STARD13: variants seen among roughly 807,000 people sequenced by gnomAD.
The protein encoded by STARD13 is StAR related lipid transfer domain containing 13.
STARD13 carries 62 observed loss-of-function variants against 106.4 expected under a neutral mutation model. The observed-to-expected ratio is 0.58, with a 90% confidence interval of 0.48 to 0.72. The LOEUF (loss-of-function observed/expected upper bound fraction) is 0.72. STARD13 is among the 30% of genes least tolerant of loss of function. The pLI is 0.00. For missense variants in STARD13, 1,387 were observed against 1,424.0 expected, an observed-to-expected ratio of 0.97 and a Z score of 0.42; for synonymous variants, 565 against 553.0, an observed-to-expected ratio of 1.02 and a Z score of -0.31.
chr13:33,230,116 T>A (rs1221088283), intron 1 of STARD13, among the ~76,000 whole-genome samples: 1 of 152,208 alleles, frequency 6.6e-6, no homozygotes, highest in East Asian at 1.9e-4. Flanking sequence ...TCAGTCCACA[T>A]GGGGAAGAAG....
chr13:33,303,522 A>G (rs149831922), intron 1 of STARD13, among the ~76,000 whole-genome samples: 1 of 152,344 alleles, frequency 6.6e-6, no homozygotes, highest in Non-Finnish European at 1.5e-5. Context: ...GACATATGGT[A>G]GGGCTCAGTA....
intron 1 of STARD13, among the ~76,000 whole-genome samples, chr13:33,321,142 T>G (rs965614554): frequency 6.6e-6 from 1 of 152,190 alleles, no homozygotes; most frequent in Non-Finnish European, 1.5e-5. Context: ...GTCGCCCCCT[T>G]TGTTCTTTTG....
the STARD13 span, among the ~76,000 whole-genome samples, chr13:33,496,874 T>C: frequency 6.6e-6 from 1 of 152,136 alleles, no homozygotes; most frequent in Non-Finnish European, 1.5e-5. Flanking sequence ...TTATATAGTT[T>C]CGTTTCTGGA....
intron 3 of STARD13, among the ~76,000 whole-genome samples, chr13:33,161,037 T>G (rs1237141507): frequency 6.6e-6 from 1 of 152,160 alleles, no homozygotes; most frequent in African/African-American, 2.4e-5. Flanking sequence ...GGCTAATGGA[T>G]AAACAACCGT....
the STARD13 span, among the ~76,000 whole-genome samples, chr13:33,520,701 A>G: frequency 1.3e-4 from 20 of 152,108 alleles, no homozygotes; most frequent in African/African-American, 4.6e-4. Context: ...TCTTCCAAAA[A>G]TCCTTGGAAC....
chr13:33,547,052 A>G, the STARD13 span, among the ~76,000 whole-genome samples: 1 of 152,218 alleles, frequency 6.6e-6, no homozygotes. Context: ...GTGAAAATAT[A>G]ATAGTACATT....
chr13:33,432,893 AT>A, the STARD13 span, among the ~76,000 whole-genome samples: 5 of 152,218 alleles, frequency 3.3e-5, no homozygotes, highest in African/African-American at 1.2e-4. Context: ...AAAAAATGAA[AT>A]AACGCTTTAT....
At chr13:33,243,689 CA>C (rs1245543066) in intron 1 of STARD13, among the ~76,000 whole-genome samples, 1 of 151,990 alleles carries the variant, frequency 6.6e-6, no homozygotes, top group Non-Finnish European at 1.5e-5. Context: ...GATGGGTGGG[CA>C]AAAACAGGGT....
the STARD13 span, among the ~76,000 whole-genome samples, chr13:33,612,468 CAAGATGGGA>C: frequency 5.9e-5 from 9 of 152,152 alleles, no homozygotes; most frequent in Non-Finnish European, 5.9e-5. Flanking sequence ...GATCCACACT[CAAGATGGGA>C]AAGAAAGCCA....
chr13:33,130,468 C>T lies in STARD13; in HGVS notation c.388-179G>A, dbSNP rs1206575977. On this transcript the variant is annotated intron_variant, in intron 4 of 13. Coordinates refer to ENST00000336934, the MANE Select transcript of STARD13 (RefSeq NM_178006.4). This position sits in a 1 kb window ranked among gnomAD's most constrained non-coding sequence, Gnocchi z 4.1. Reference sequence around the variant, plus strand: ...CTTCTACCACTTGCACTGTCTTGTACATACCCTTCCTCCCAGTGGCCAGAG... The same window carrying T: ...CTTCTACCACTTGCACTGTCTTGTATATACCCTTCCTCCCAGTGGCCAGAG... 6.6e-6 allele frequency among the ~76,000 whole-genome samples: 1 copy of T among 152,202 alleles called. No individual in the cohort carries two copies. Among genetic ancestry groups the T allele is most frequent in the African/African-American group, 2.4e-5 (1 of 41,448 alleles).
chr13:33,270,740 A>G (rs1891119391), intron 1 of STARD13, among the ~76,000 whole-genome samples: 1 of 152,134 alleles, frequency 6.6e-6, no homozygotes, highest in South Asian at 2.1e-4. Context: ...TTTGTTTTCA[A>G]GGTTCATTTT....
chr13:33,461,214 T>C, the STARD13 span, among the ~76,000 whole-genome samples: 1 of 152,190 alleles, frequency 6.6e-6, no homozygotes, highest in Non-Finnish European at 1.5e-5. Flanking sequence ...ATTGTACACT[T>C]TAAATATGTG....
intron 1 of STARD13, among the ~76,000 whole-genome samples, chr13:33,265,497 TTAAC>T (rs1358856783): frequency 6.6e-6 from 1 of 152,306 alleles, no homozygotes; most frequent in East Asian, 1.9e-4. Flanking sequence ...TTGTACCAAT[TTAAC>T]TAGTGTTTTG....
chr13:33,418,588 G>C, the STARD13 span, among the ~76,000 whole-genome samples: 1 of 152,216 alleles, frequency 6.6e-6, no homozygotes, highest in Non-Finnish European at 1.5e-5. Flanking sequence ...GAGAGCAGTG[G>C]TTCTCCCAGC....
the STARD13 span, among the ~76,000 whole-genome samples, chr13:33,626,881 A>G: frequency 6.6e-6 from 1 of 152,232 alleles, no homozygotes; most frequent in African/African-American, 2.4e-5. Context: ...ATGTTTGCCT[A>G]TTTGTAAATG....
the STARD13 span, among the ~76,000 whole-genome samples, chr13:33,503,431 A>G: frequency 6.6e-6 from 1 of 152,046 alleles, no homozygotes; most frequent in Non-Finnish European, 1.5e-5. Flanking sequence ...TAGCTTTTGA[A>G]TGTGTTTACT....
At chr13:33,227,322 A>G (rs1451878201) in intron 1 of STARD13, among the ~76,000 whole-genome samples, 1 of 152,264 alleles carries the variant, frequency 6.6e-6, no homozygotes, top group Non-Finnish European at 1.5e-5. Flanking sequence ...ATACGATCCC[A>G]GGTAGTTCAA....
chr13:33,386,424 C>A, the STARD13 span, among the ~76,000 whole-genome samples: 1 of 152,122 alleles, frequency 6.6e-6, no homozygotes, highest in Admixed American at 6.5e-5. Flanking sequence ...TCCATATGGT[C>A]ACCCTCCAGG....
intron 1 of STARD13, among the ~76,000 whole-genome samples, chr13:33,205,352 G>A (rs1887342717): frequency 6.6e-6 from 1 of 152,168 alleles, no homozygotes; most frequent in East Asian, 1.9e-4. Context: ...GGAAGTCCAG[G>A]TCATATTCAT....
Sources: gnomAD v4.1 joint callset for allele counts (sites outside exome capture counted in the v4.1 genomes callset) on GRCh38, gnomAD v4.1.1 for gene constraint, Gnocchi (gnomAD v3.1) non-coding constraint, MANE v1.5 for transcripts, NCBI Gene and HGNC (gene_info 2026-07-23, HGNC 2026-07-21) for gene names.